USP39: variants seen among roughly 807,000 people sequenced by gnomAD.
USP39 encodes the protein ubiquitin carboxyl-terminal hydrolase 39.
Under a neutral mutation model 66.4 loss-of-function variants are expected in USP39, and 38 were observed. The ratio of observed to expected loss-of-function variants is 0.57; its 90% CI spans 0.44 to 0.75. The LOEUF is 0.75. Among genes scored for constraint, USP39 ranks in the 30% least tolerant of loss-of-function variants. The pLI, the probability that USP39 is intolerant of heterozygous loss-of-function variation, is 0.00. For missense variants in USP39, 608 were observed against 714.4 expected (o/e 0.85, Z 1.70); for synonymous variants, 303 against 274.6 (o/e 1.10, Z -1.02).
upstream of USP39, chr2:85,611,825 G>T: frequency 6.2e-7 from 1 of 1,607,028 alleles, no homozygotes. Context: ...CTGTCGGGCC[G>T]GGCCAGGCCA....
At chr2:85,629,455 A>G (rs1429618057) in intron 5 of USP39, among the ~76,000 whole-genome samples, 1 of 149,998 alleles carries the variant, frequency 6.7e-6, no homozygotes, top group African/African-American at 2.4e-5. Context: ...ATGAGATACA[A>G]TTTGTTTTTA....
At chr2:85,636,706 A>G (rs952241194) in intron 7 of USP39, among the ~76,000 whole-genome samples, 8 of 152,028 alleles carry the variant, frequency 5.3e-5, no homozygotes, top group Admixed American at 6.6e-5. Flanking sequence ...GGATTTCTCC[A>G]TGTTGGCCAG....
chr2:85,627,698 C>A (rs1469669314), intron 5 of USP39, among the ~76,000 whole-genome samples: 6 of 151,616 alleles, frequency 4.0e-5, no homozygotes, highest in Admixed American at 1.3e-4. Context: ...GTTTGGGAGG[C>A]TGAGGTGGGA....
chr2:85,648,120 G>T (rs1374251417), intron 12 of USP39, 104 bp downstream of exon 12: 2 of 1,217,474 alleles, frequency 1.6e-6, no homozygotes, highest in Non-Finnish European at 2.4e-6. Context: ...ACCTTGGTTG[G>T]AGGGCCAGGT....
At chr2:85,613,937 A>AT (rs1323995307), upstream of USP39, among the ~76,000 whole-genome samples, 4 of 151,024 alleles carry the variant, frequency 2.6e-5, no homozygotes, top group Non-Finnish European at 5.9e-5. Context: ...TAATTTTAAA[A>AT]TTTTTTTGTG....
upstream of USP39, chr2:85,612,284 C>A (rs1292093793): frequency 6.5e-7 from 1 of 1,532,072 alleles, no homozygotes; most frequent in Non-Finnish European, 8.7e-7. Context: ...CAGCTGATAC[C>A]AGAACCTTCA....
At position 85,636,200 on chromosome 2, in the gene USP39, G is replaced by C. The variant is rs1675756647; in HGVS notation, c.1027+70G>C. The stretch of plus-strand genomic sequence containing the variant: ...AAAAACTTTGCGGTCGGTCGCAATG[G>C]CTCATGCCTATAATCCCAGCTCTTT... On this transcript the variant is annotated intron_variant, in intron 7 of 12. Coordinates refer to ENST00000323701, the MANE Select transcript of USP39 (RefSeq NM_006590.4). The C allele has an allele frequency of 1.3e-5, 18 of 1,425,484 alleles. No homozygotes were observed. The South Asian group carries it at 2.0e-4, about 16-fold the overall frequency. 88.3% of individuals were successfully genotyped at this position (1,425,484 alleles called of 1,614,324 possible).
At position 85,621,297 on chromosome 2, in the gene USP39, C is replaced by T. The variant is rs1200008767; in HGVS notation, c.339-188C>T. 1.3e-5 allele frequency: 7 copies of T among 549,006 alleles called. No individual in the cohort carries two copies. In the East Asian group the frequency reaches 2.1e-4, roughly 16 times the overall value. The allele number at this position is 549,006 out of a possible 1,614,324, so 34.0% of individuals were successfully genotyped here. A position where few individuals can be genotyped will look rare whatever the true frequency, so the allele number is the denominator to read the frequency against. On this transcript the variant is annotated intron_variant, in intron 2 of 12. Transcript: ENST00000323701. Reference sequence around the variant, plus strand: ...TATTATGTGTCTGGTGGAGACACCTCAACAGTGCTTTGGAGCATGGCGGGT... The same window carrying T: ...TATTATGTGTCTGGTGGAGACACCTTAACAGTGCTTTGGAGCATGGCGGGT...
upstream of USP39, among the ~76,000 whole-genome samples, chr2:85,614,601 C>T (rs1254033627): frequency 6.6e-6 from 1 of 152,166 alleles, no homozygotes; most frequent in South Asian, 2.1e-4. Flanking sequence ...AACGCATCCA[C>T]CATGGCTACA....
upstream of USP39, among the ~76,000 whole-genome samples, chr2:85,612,703 C>T (rs995142581): frequency 2.0e-4 from 31 of 151,874 alleles, no homozygotes; most frequent in Admixed American, 9.2e-4. Flanking sequence ...CTCTGTCGCT[C>T]AGGCTGGAGT....
chr2:85,603,817 TCTCCTGAC>T (rs1673105669), intron 1 of USP39, among the ~76,000 whole-genome samples: 1 of 152,054 alleles, frequency 6.6e-6, no homozygotes, highest in South Asian at 2.1e-4. Flanking sequence ...ATGGTCTCGA[TCTCCTGAC>T]CTCGTGATCC....
chr2:85,617,127 T>TTTC (rs1674050128), intron 1 of USP39, among the ~76,000 whole-genome samples: 1 of 150,114 alleles, frequency 6.7e-6, no homozygotes, highest in African/African-American at 2.5e-5. Flanking sequence ...TTTTTTTTTT[T>TTTC]GCGTTTTAAG....
intron 5 of USP39, among the ~76,000 whole-genome samples, chr2:85,628,188 C>T (rs1016334067): frequency 1.3e-5 from 2 of 152,048 alleles, no homozygotes; most frequent in Non-Finnish European, 2.9e-5. Context: ...CTCTGTCACC[C>T]AGGCTGGAAT....
intron 1 of USP39, 110 bp downstream of exon 1, chr2:85,616,573 GGTTGGGGTGGA>G: frequency 1.5e-6 from 2 of 1,311,586 alleles, no homozygotes; most frequent in Non-Finnish European, 2.0e-6. Flanking sequence ...GGAGGGGTGG[GGTTGGGGTGGA>G]GAAGAGGAGG....
At chr2:85,632,187 T>G (rs1675401803) in intron 6 of USP39, among the ~76,000 whole-genome samples, 1 of 152,220 alleles carries the variant, frequency 6.6e-6, no homozygotes, top group Non-Finnish European at 1.5e-5. Flanking sequence ...TCACTCATGG[T>G]GCTAGGTTTT....
In USP39 at chr2:85,623,246, ATGTATTTATGTTTATG is replaced by A. The variant is rs534349840; in HGVS notation, c.434-389_434-374del. On this transcript the variant is annotated intron_variant, in intron 3 of 12. Transcript: ENST00000323701. ...GATGATGGACTGTCATAGGATATGTATGTATTTATGTTTATGTGTATTTATGCACACATATATGCAT... is the reference window on the plus strand; with the variant it reads ...GATGATGGACTGTCATAGGATATGTATGTATTTATGCACACATATATGCAT... 5.8e-4 allele frequency among the ~76,000 whole-genome samples: 89 copies of A among 152,254 alleles called. 1 individual carries two copies. The South Asian group carries it at 0.017, about 30-fold the overall frequency.
upstream of USP39, chr2:85,610,852 G>T (rs566388977): frequency 4.7e-5 from 7 of 149,378 alleles, no homozygotes; most frequent in Admixed American, 4.7e-4. Flanking sequence ...TCCGCCTCCC[G>T]GGTTCACGCC....
At chr2:85,612,765 A>AT (rs1016026186), upstream of USP39, among the ~76,000 whole-genome samples, 11 of 151,088 alleles carry the variant, frequency 7.3e-5, no homozygotes, top group African/African-American at 2.7e-4. Context: ...GGTTCAAGCG[A>AT]TTCTCCTGCC....
chr2:85,613,519 A>G (rs1194355107), upstream of USP39, among the ~76,000 whole-genome samples: 2 of 150,692 alleles, frequency 1.3e-5, no homozygotes, highest in African/African-American at 2.5e-5. Flanking sequence ...AAAACAAAAA[A>G]CAGGGACCAA....
Sources: allele counts gnomAD v4.1 joint callset (sites outside exome capture counted in the v4.1 genomes callset), GRCh38; gene constraint gnomAD v4.1.1; transcripts MANE v1.5; gene names NCBI Gene and HGNC (gene_info 2026-07-23, HGNC 2026-07-21).